NLRP9: variants seen among roughly 807,000 people sequenced by gnomAD.
NLRP9 encodes NACHT, LRR and PYD domains-containing protein 9.
Under a neutral mutation model 83.1 loss-of-function variants are expected in NLRP9, and 88 were observed. That is an observed-to-expected ratio of 1.06 (90% CI 0.89 to 1.26). The LOEUF (loss-of-function observed/expected upper bound fraction) is 1.26. Among genes scored for constraint, NLRP9 ranks in the 50% most tolerant of loss-of-function variants. NLRP9 has a pLI of 0.00. For missense variants in NLRP9, 1,308 were observed against 1,179.3 expected, an observed-to-expected ratio of 1.11 and a Z score of -1.60; for synonymous variants, 521 against 447.6, an observed-to-expected ratio of 1.16 and a Z score of -2.07.
chr19:55,732,450 G>T lies in NLRP9; in HGVS notation c.1381C>A (p.Arg461=), dbSNP rs758128073. The part of the protein sequence containing the change: ...FCAAMFYLLK[R]PKDDPNPAIG... ...GCCGGGTTAGGATCGTCTTTGGGTC[G>T]TTTGAGCAAATAAAACATGGCGGCA... is the stretch of plus-strand genomic sequence containing the variant. Residue 461 remains arginine, a synonymous_variant, in exon 2 of 9, where the codon CGA becomes AGA. Coordinates refer to ENST00000332836, the MANE Select transcript of NLRP9 (RefSeq NM_176820.4). 8.7e-5 allele frequency: 140 copies of T among 1,614,104 alleles called. No individual in the cohort carries two copies. The highest frequency in any genetic ancestry group is 1.2e-5 in the Non-Finnish European group (14 of 1,180,042).
At chr19:55,729,044 C>CTTTTTTTTTT (rs199974942) in intron 3 of NLRP9, among the ~76,000 whole-genome samples, 1 of 98,234 alleles carries the variant, frequency 1.0e-5, no homozygotes, top group African/African-American at 4.3e-5. Flanking sequence ...TCTTATTTTT[C>CTTTTTTTTTT]TTTTTCTTTT....
chr19:55,734,672 T>A (rs1988734703), intron 1 of NLRP9, among the ~76,000 whole-genome samples: 2 of 150,048 alleles, frequency 1.3e-5, no homozygotes, highest in Non-Finnish European at 3.0e-5. Flanking sequence ...CTCGCTCTTG[T>A]CCCCCAGGCT....
chr19:55,735,163 C>T (rs1246477437), intron 1 of NLRP9, among the ~76,000 whole-genome samples: 1 of 152,216 alleles, frequency 6.6e-6, no homozygotes, highest in East Asian at 1.9e-4. Context: ...CGTCTGTGGA[C>T]ATCACAGGAG....
At chr19:55,731,668 A>G (rs965353173) in intron 2 of NLRP9, among the ~76,000 whole-genome samples, 5 of 148,576 alleles carry the variant, frequency 3.4e-5, no homozygotes, top group East Asian at 2.0e-4. Context: ...AGGTTGCAGT[A>G]GGCCGAGATC....
Position 55,729,646 on chromosome 19 carries a change from T to G in NLRP9, c.1994+185A>C, listed in dbSNP as rs186427775. ...TATCCAGTCTATCATTGATGGACATTTGGGTTGGTTCCAAGTCTTTGCTAT... is the reference window on the plus strand; with the variant it reads ...TATCCAGTCTATCATTGATGGACATGTGGGTTGGTTCCAAGTCTTTGCTAT... On this transcript the variant is annotated intron_variant, in intron 3 of 8. Transcript: ENST00000332836. Among the ~76,000 whole-genome samples, 1,352 of 152,168 alleles carry G rather than the reference T, an allele frequency of 8.9e-3. 77 individuals are homozygous for G. The highest frequency in any genetic ancestry group is 0.079 in the Admixed American group (1,197 of 15,246).
chr19:55,721,242 G>A (rs1988216097), intron 4 of NLRP9, among the ~76,000 whole-genome samples: 1 of 152,142 alleles, frequency 6.6e-6, no homozygotes, highest in Non-Finnish European at 1.5e-5. Flanking sequence ...TGGTATATGG[G>A]ACTTCTCTGT....
chr19:55,718,743 C>T (rs770936253), intron 4 of NLRP9, among the ~76,000 whole-genome samples: 8 of 152,222 alleles, frequency 5.3e-5, no homozygotes, highest in Non-Finnish European at 8.8e-5. Context: ...AGCGCCAGTG[C>T]GGGTCCTCGC....
Position 55,733,010 on chromosome 19 carries a change from G to A in NLRP9, c.821C>T (p.Ala274Val). ...KMLPESSLLI[A>V]LGKLAMQKHY... ...TTTTTGCATAGCCAGTTTTCCTAAT[G>A]CAATAAGGAGAGAGGATTCTGGAAG... Residue 274 changes from alanine to valine, a missense_variant, in exon 2 of 9, where the codon GCA becomes GTA. By Grantham distance (64) the Ala-to-Val change is moderately conservative. Transcript: ENST00000332836. 1 of 1,614,128 alleles carries A rather than the reference G, an allele frequency of 6.2e-7. No individual in the cohort carries two copies. The highest frequency in any genetic ancestry group is 8.5e-7 in the Non-Finnish European group (1 of 1,179,990).
intron 3 of NLRP9, among the ~76,000 whole-genome samples, chr19:55,728,888 G>A (rs759276049): frequency 6.6e-6 from 1 of 152,014 alleles, no homozygotes; most frequent in East Asian, 1.9e-4. Flanking sequence ...ATCAAGATAA[G>A]TAAAATATCA....
intron 1 of NLRP9, among the ~76,000 whole-genome samples, chr19:55,735,813 G>A (rs1292112790): frequency 6.6e-6 from 1 of 151,692 alleles, no homozygotes; most frequent in Non-Finnish European, 1.5e-5. Flanking sequence ...TCAGCCTCCC[G>A]AGTAGCTGGG....
At chr19:55,722,744 A>G (rs1988268004) in intron 4 of NLRP9, among the ~76,000 whole-genome samples, 1 of 152,210 alleles carries the variant, frequency 6.6e-6, no homozygotes, top group African/African-American at 2.4e-5. Context: ...CTTGGAACCA[A>G]CCCAAACGCC....
chr19:55,726,992 T>G (rs985910154), intron 3 of NLRP9, among the ~76,000 whole-genome samples: 2 of 152,188 alleles, frequency 1.3e-5, no homozygotes. Flanking sequence ...AAAGGACTTG[T>G]GTAAAATATC....
rs765680323 is a variant in NLRP9, at chr19:55,732,618, T to C, written c.1213A>G (p.Thr405Ala). 8.1e-6 allele frequency: 13 copies of C among 1,614,112 alleles called. No homozygotes were observed. The South Asian group carries it at 1.4e-4, about 18-fold the overall frequency. The change falls in exon 2 of 9, where the codon ACA (threonine) becomes GCA (alanine). Residue 405 changes from threonine (T) to alanine (A), a missense_variant. Coordinates refer to ENST00000332836, the MANE Select transcript of NLRP9 (RefSeq NM_176820.4). ...LCALAAEGIW[T>A]YTFVFSHGDL... ...CCATGGGAAAATACAAATGTATATG[T>C]CCAAATTCCCTCTGCAGCCAAAGCA...
intron 4 of NLRP9, among the ~76,000 whole-genome samples, chr19:55,719,479 C>T (rs769394879): frequency 2.6e-5 from 4 of 152,244 alleles, no homozygotes; most frequent in Non-Finnish European, 5.9e-5. Flanking sequence ...TCAGATCTGT[C>T]TTCTCCATCC....
At chr19:55,721,654 G>A (rs1341319560) in intron 4 of NLRP9, among the ~76,000 whole-genome samples, 3 of 152,132 alleles carry the variant, frequency 2.0e-5, no homozygotes, top group African/African-American at 7.2e-5. Context: ...TTGGTGATAT[G>A]GTTTGGCTCT....
chr19:55,735,608 T>C (rs1008996247), intron 1 of NLRP9, among the ~76,000 whole-genome samples: 13 of 152,304 alleles, frequency 8.5e-5, no homozygotes, highest in Admixed American at 7.8e-4. Context: ...TCAAACATGG[T>C]TTTTGACTGA....
intron 3 of NLRP9, among the ~76,000 whole-genome samples, chr19:55,727,165 T>C (rs967247660): frequency 7.9e-5 from 12 of 152,296 alleles, no homozygotes; most frequent in Admixed American, 4.6e-4. Context: ...GGCAGGAGCA[T>C]TGCTTGAACC....
At chr19:55,736,302 A>C (rs1600144794) in intron 1 of NLRP9, among the ~76,000 whole-genome samples, 1 of 151,986 alleles carries the variant, frequency 6.6e-6, no homozygotes, top group African/African-American at 2.4e-5. Flanking sequence ...GAGGCAGGAG[A>C]ATGGTGGGAA....
chr19:55,719,639 C>T (rs1988159135), intron 4 of NLRP9, among the ~76,000 whole-genome samples: 1 of 152,186 alleles, frequency 6.6e-6, no homozygotes, highest in Non-Finnish European at 1.5e-5. Context: ...TAGAAAGCTC[C>T]TCATTCTTCA....
Sources: gnomAD v4.1 joint callset for allele counts (sites outside exome capture counted in the v4.1 genomes callset) on GRCh38, gnomAD v4.1.1 for gene constraint, MANE v1.5 for transcripts, NCBI Gene and HGNC (gene_info 2026-07-23, HGNC 2026-07-21) for gene names.